Variants in DOCK1 observed in about 807,000 individuals in gnomAD.
DOCK1 encodes the protein dedicator of cytokinesis 1.
A neutral mutation model predicts 262.7 loss-of-function variants in DOCK1; 138 were observed. The ratio of observed to expected loss-of-function variants is 0.53; its 90% CI spans 0.46 to 0.61. The LOEUF is 0.61. Among genes scored for constraint, DOCK1 ranks in the 20% least tolerant of loss-of-function variants. The pLI, the probability that DOCK1 is intolerant of heterozygous loss-of-function variation, is 0.00. For missense variants in DOCK1, 1,908 were observed against 2,370.7 expected, an observed-to-expected ratio of 0.80 and a Z score of 4.05; for synonymous variants, 866 against 867.4, an observed-to-expected ratio of 1.00 and a Z score of 0.03.
chr10:127,174,856 T>C (rs987176616), intron 27 of DOCK1, among the ~76,000 whole-genome samples: 2 of 152,236 alleles, frequency 1.3e-5, no homozygotes, highest in African/African-American at 4.8e-5. Context: ...GATTCTCTTC[T>C]TATTTAGAAT....
chr10:127,050,792 TTTAA>T (rs770474299), intron 21 of DOCK1, among the ~76,000 whole-genome samples: 1 of 152,218 alleles, frequency 6.6e-6, no homozygotes, highest in Non-Finnish European at 1.5e-5. Context: ...AGAAATTTTA[TTTAA>T]TTTTCATGTG....
intron 27 of DOCK1, among the ~76,000 whole-genome samples, chr10:127,144,378 T>C (rs1396915020): frequency 6.6e-6 from 1 of 152,214 alleles, no homozygotes; most frequent in African/African-American, 2.4e-5. Flanking sequence ...CATGAGAGCC[T>C]GTCTCCTGTG....
At chr10:127,162,554 G>A (rs2133691592) in intron 27 of DOCK1, among the ~76,000 whole-genome samples, 1 of 152,144 alleles carries the variant, frequency 6.6e-6, no homozygotes, top group South Asian at 2.1e-4. Flanking sequence ...TTCCATGGTA[G>A]GGCAAAGTTC....
intron 29 of DOCK1, among the ~76,000 whole-genome samples, chr10:127,287,226 A>G (rs988686495): frequency 1.3e-5 from 2 of 149,798 alleles, no homozygotes; most frequent in Non-Finnish European, 3.0e-5. Context: ...TTTGAAGTAC[A>G]TGATCTCACT....
chr10:127,418,499 C>T lies in DOCK1; in HGVS notation c.4650C>T (p.Ile1550=), dbSNP rs61733304. The T allele has an allele frequency of 4.9e-4, 783 of 1,614,096 alleles. 3 individuals are homozygous for T. In the African/African-American group the frequency reaches 7.8e-3, roughly 16 times the overall value. ...INPLSMLLNG[I]VDPAVMGGFA... Reference sequence around the variant, plus strand: ...CGCTCTCCATGCTCCTGAACGGCATCGTGGACCCAGCTGTCATGGGGGGCT... The same window carrying T: ...CGCTCTCCATGCTCCTGAACGGCATTGTGGACCCAGCTGTCATGGGGGGCT... The change falls in exon 45 of 52, where the codon ATC becomes ATT. Residue 1550 remains isoleucine, a synonymous_variant. Transcript: ENST00000623213.
intron 1 of DOCK1, among the ~76,000 whole-genome samples, chr10:126,968,584 A>G (rs2037853279): frequency 6.6e-6 from 1 of 152,224 alleles, no homozygotes; most frequent in African/African-American, 2.4e-5. Flanking sequence ...TGTGCTTTAC[A>G]AATTCACAGG....
intron 49 of DOCK1, among the ~76,000 whole-genome samples, chr10:127,439,465 G>A (rs2069928747): frequency 6.6e-6 from 1 of 152,304 alleles, no homozygotes; most frequent in African/African-American, 2.4e-5. Context: ...CAGGGCCTGG[G>A]GCGAGGCCGC....
chr10:126,969,845 A>G (rs553028313), intron 1 of DOCK1, among the ~76,000 whole-genome samples: 122 of 152,318 alleles, frequency 8.0e-4, no homozygotes, highest in Middle Eastern at 6.8e-3. Context: ...GTGTGCCACA[A>G]TGCAGGTGCC....
At chr10:127,307,027 T>C (rs1304167597) in intron 29 of DOCK1, among the ~76,000 whole-genome samples, 2 of 152,254 alleles carry the variant, frequency 1.3e-5, no homozygotes, top group East Asian at 3.8e-4. Context: ...AATGTTTTCA[T>C]TTTAGTAATG....
chr10:127,297,051 C>T (rs1240675106), intron 29 of DOCK1, among the ~76,000 whole-genome samples: 2 of 152,118 alleles, frequency 1.3e-5, no homozygotes, highest in Admixed American at 6.6e-5. Flanking sequence ...ATTCCCAGTT[C>T]ATCAGCATCA....
At chr10:127,261,214 T>C (rs141304904) in intron 29 of DOCK1, among the ~76,000 whole-genome samples, 5 of 60,062 alleles carry the variant, frequency 8.3e-5, no homozygotes, top group African/African-American at 2.4e-4. Context: ...TACCTGCATG[T>C]GTGTGCATGT....
In DOCK1 at chr10:127,377,977, A is replaced by G. The variant is rs532217805; in HGVS notation, c.3676-2105A>G. The stretch of plus-strand genomic sequence containing the variant: ...GCTTGGCCACCTAAGTCCCCAGGAC[A>G]TCTCCTGCAAGGATGTCTGCATGTA... On this transcript the variant is annotated intron_variant, in intron 35 of 51. Transcript: ENST00000623213. 2.0e-5 allele frequency among the ~76,000 whole-genome samples: 3 copies of G among 152,224 alleles called. No homozygotes were observed. In the South Asian group the frequency reaches 6.2e-4, roughly 32 times the overall value.
intron 1 of DOCK1, among the ~76,000 whole-genome samples, chr10:126,956,008 G>A (rs1025771464): frequency 1.3e-5 from 2 of 152,104 alleles, no homozygotes; most frequent in Non-Finnish European, 2.9e-5. Context: ...TGGTCAAGTC[G>A]GGAGCCTTGG....
intron 13 of DOCK1, 108 bp from the exon 14 acceptor site, chr10:127,023,092 A>G: frequency 8.1e-7 from 1 of 1,236,476 alleles, no homozygotes; most frequent in Non-Finnish European, 1.1e-6. Context: ...TAATCATCTA[A>G]TATGTATTTG....
chr10:127,369,984 T>C lies in DOCK1; in HGVS notation c.3433-3797T>C, dbSNP rs114176091. On this transcript the variant is annotated intron_variant, in intron 33 of 51. Transcript: ENST00000623213. ...AGGGTTGTGCGGTGTCACACTTCTC[T>C]CTGCTGAACCTTGCCTGTTTCATCT... Among the ~76,000 whole-genome samples, 1,274 of 152,272 alleles carry C rather than the reference T, an allele frequency of 8.4e-3. 15 individuals carry two copies. Among genetic ancestry groups the C allele is most frequent in the African/African-American group, 0.029 (1,221 of 41,544 alleles).
At chr10:127,108,317 G>T (rs2048660796) in intron 24 of DOCK1, among the ~76,000 whole-genome samples, 1 of 152,122 alleles carries the variant, frequency 6.6e-6, no homozygotes, top group Non-Finnish European at 1.5e-5. Flanking sequence ...GTTAGGCATG[G>T]TGACTCACGC....
intron 29 of DOCK1, among the ~76,000 whole-genome samples, chr10:127,322,541 C>CT (rs2062580918): frequency 6.6e-6 from 1 of 151,962 alleles, no homozygotes; most frequent in Non-Finnish European, 1.5e-5. Context: ...ACTGATGACC[C>CT]AATCCAGCCC....
intron 16 of DOCK1, among the ~76,000 whole-genome samples, chr10:127,030,326 T>C (rs1404335020): frequency 6.6e-6 from 1 of 152,220 alleles, no homozygotes; most frequent in Non-Finnish European, 1.5e-5. Context: ...ATTTCTTCAG[T>C]CCATGTTCCT....
chr10:127,296,594 GCTCT>G (rs1259399703), intron 29 of DOCK1, among the ~76,000 whole-genome samples: 4 of 152,208 alleles, frequency 2.6e-5, no homozygotes, highest in Non-Finnish European at 5.9e-5. Flanking sequence ...CCAGATTCCT[GCTCT>G]CTAACTCAGA....
Sources: allele counts gnomAD v4.1 joint callset (sites outside exome capture counted in the v4.1 genomes callset), GRCh38; gene constraint gnomAD v4.1.1; transcripts MANE v1.5; gene names NCBI Gene and HGNC (gene_info 2026-07-23, HGNC 2026-07-21).